Variants in ACAD10 observed in about 807,000 individuals in gnomAD.
ACAD10 encodes the protein acyl-CoA dehydrogenase family member 10, also known as ACAD-10.
Under a neutral mutation model 116.8 loss-of-function variants are expected in ACAD10, and 112 were observed. The observed-to-expected ratio is 0.96, with a 90% CI of 0.82 to 1.12. The LOEUF (loss-of-function observed/expected upper bound fraction) is 1.12, where lower values mean the gene tolerates loss of function less well. Ranked by LOEUF, ACAD10 falls within the 50% of genes most tolerant of loss-of-function variation. The probability of loss-of-function intolerance (pLI) is 0.00; values close to 1 mark genes in which losing one functional copy is unlikely to be tolerated. For missense variants in ACAD10, 1,259 were observed against 1,350.2 expected (o/e 0.93, Z 1.06); for synonymous variants, 486 against 510.6 (o/e 0.95, Z 0.65).
At chr12:111,748,583 G>C in intron 17 of ACAD10, 108 bp downstream of exon 17, 1 of 1,244,510 alleles carries the variant, frequency 8.0e-7, no homozygotes, top group Non-Finnish European at 1.1e-6. Flanking sequence ...CACGTCTGAG[G>C]GTATGATGAC....
In ACAD10 at chr12:111,728,133, T is replaced by G; in HGVS notation, c.1233T>G (p.Tyr411Ter). ...VDLQAVGLED[Y>*]GKQGDYIPRQ... The stretch of plus-strand genomic sequence containing the variant: ...TGCAGGCTGTGGGACTTGAAGACTA[T>G]GGGAAGCAAGGTGAGCAGGAGGCCA... Residue 411 changes from tyrosine to a stop codon, truncating the protein, a stop_gained, in exon 9 of 21, where the codon TAT (tyrosine) becomes TAG (stop). Coordinates refer to ENST00000313698, the MANE Select transcript of ACAD10 (RefSeq NM_025247.6). LOFTEE classifies it high-confidence loss of function. 6.2e-7 allele frequency: 1 copy of G among 1,604,976 alleles called. No individual in the cohort carries two copies. Among genetic ancestry groups the G allele is most frequent in the Non-Finnish European group, 8.5e-7 (1 of 1,175,318 alleles).
intron 5 of ACAD10, among the ~76,000 whole-genome samples, chr12:111,710,850 C>T (rs1888658676): frequency 6.6e-6 from 1 of 152,066 alleles, no homozygotes; most frequent in Non-Finnish European, 1.5e-5. Flanking sequence ...CTCCAGCAGT[C>T]CTCCCACCTC....
intron 12 of ACAD10, among the ~76,000 whole-genome samples, chr12:111,740,277 CATGGTGAAA>C (rs1889694424): frequency 1.3e-5 from 2 of 152,162 alleles, no homozygotes; most frequent in East Asian, 3.9e-4. Flanking sequence ...CCCTGGCCAA[CATGGTGAAA>C]CCCCGTCTCC....
At chr12:111,688,921 G>A (rs935745179) in intron 1 of ACAD10, among the ~76,000 whole-genome samples, 1 of 152,148 alleles carries the variant, frequency 6.6e-6, no homozygotes, top group Non-Finnish European at 1.5e-5. Context: ...GGCTGGGCAC[G>A]ATGGCTCACG....
chr12:111,728,085 GTGCAAAATTC>G lies in ACAD10; in HGVS notation c.1186_1195del (p.Cys396ThrfsTer45). Reference sequence around the variant, plus strand: ...TATACACTGCCATGAACACAGTCCTGTGCAAAATTCACAGTGTGGATCTGCAGGCTGTGGG... The same window carrying G: ...TATACACTGCCATGAACACAGTCCTGACAGTGTGGATCTGCAGGCTGTGGG... On this transcript the variant is annotated frameshift_variant, in exon 9 of 21. Transcript: ENST00000313698. LOFTEE classifies it high-confidence loss of function. 11 of 1,613,766 alleles carry G rather than the reference GTGCAAAATTC, an allele frequency of 6.8e-6. No individual in the cohort carries two copies. Among genetic ancestry groups the G allele is most frequent in the Non-Finnish European group, 9.3e-6 (11 of 1,179,898 alleles).
At position 111,705,755 on chromosome 12, in the gene ACAD10, T is replaced by C. The variant is rs1888483036; in HGVS notation, c.354T>C (p.Pro118=). ...GTTCTTAGTTAAAGACCTCCGTGCC[T>C]GTGGACTCATTTTTCTCTCTGTTGA... ...LCSEMLKTSV[P]VDSFFSLLTS... The change falls in exon 4 of 21, where the codon CCT becomes CCC. Residue 118 remains proline (P), a synonymous_variant. Coordinates refer to ENST00000313698, the MANE Select transcript of ACAD10 (RefSeq NM_025247.6). The C allele has an allele frequency of 1.2e-6, 2 of 1,614,190 alleles. No homozygotes were observed. Among genetic ancestry groups the C allele is most frequent in the South Asian group, 1.1e-5 (1 of 91,086 alleles).
intron 18 of ACAD10, among the ~76,000 whole-genome samples, chr12:111,751,516 A>G (rs1435664292): frequency 2.0e-5 from 3 of 152,132 alleles, no homozygotes; most frequent in Non-Finnish European, 4.4e-5. Flanking sequence ...GGATCACTTC[A>G]GGTTAGGAGT....
intron 12 of ACAD10, among the ~76,000 whole-genome samples, chr12:111,742,742 T>C (rs183127419): frequency 1.1e-4 from 16 of 152,256 alleles, no homozygotes; most frequent in Admixed American, 2.0e-4. Context: ...GGAATTTTGC[T>C]CTTGTCACCC....
At chr12:111,730,607 A>G (rs79061554) in intron 10 of ACAD10, among the ~76,000 whole-genome samples, 2,354 of 151,766 alleles carry the variant, frequency 0.016, 71 homozygotes, top group African/African-American at 0.053. Context: ...GGTAGTGTTT[A>G]TAGTGTTTTC....
At chr12:111,713,572 C>G (rs2135959278) in intron 6 of ACAD10, among the ~76,000 whole-genome samples, 1 of 151,104 alleles carries the variant, frequency 6.6e-6, no homozygotes, top group South Asian at 2.1e-4. Flanking sequence ...TTGCAGTGAG[C>G]CAAGATTGTG....
chr12:111,737,086 G>A, intron 12 of ACAD10, 82 bp downstream of exon 12: 2 of 1,443,772 alleles, frequency 1.4e-6, no homozygotes, highest in Non-Finnish European at 9.5e-7. Context: ...CCCTCTCAGG[G>A]CCACAGAGGC....
At chr12:111,704,688 C>CTTTTTTTTTTTTTTTTT (rs59745029) in intron 3 of ACAD10, among the ~76,000 whole-genome samples, 2 of 126,152 alleles carry the variant, frequency 1.6e-5, no homozygotes, top group Non-Finnish European at 3.3e-5. Context: ...TTCTTTCTTT[C>CTTTTTTTTTTTTTTTTT]TTTTTTTTTT....
At position 111,748,303 on chromosome 12, in the gene ACAD10, T is replaced by G; in HGVS notation, c.2486-14T>G. On this transcript the variant is annotated splice_polypyrimidine_tract_variant and intron_variant, in intron 16 of 20. Coordinates refer to ENST00000313698, the MANE Select transcript of ACAD10 (RefSeq NM_025247.6). Reference sequence around the variant, plus strand: ...TGTCAGATGATGGGGTCTGTCTCTCTCCTTTCCTGGCAGGCATCCTGGATC... The same window carrying G: ...TGTCAGATGATGGGGTCTGTCTCTCGCCTTTCCTGGCAGGCATCCTGGATC... 2 of 1,614,018 alleles carry G rather than the reference T, an allele frequency of 1.2e-6. No homozygotes were observed. Among genetic ancestry groups the G allele is most frequent in the Non-Finnish European group, 1.7e-6 (2 of 1,179,984 alleles).
chr12:111,751,504 G>A (rs1234849259), intron 18 of ACAD10, among the ~76,000 whole-genome samples: 1 of 152,158 alleles, frequency 6.6e-6, no homozygotes, highest in Non-Finnish European at 1.5e-5. Flanking sequence ...GCTGAGGTGG[G>A]CGGATCACTT....
chr12:111,753,831 C>T lies in ACAD10; in HGVS notation c.2877C>T (p.Asp959=). Reference sequence around the variant, plus strand: ...TGGAGCAGGGCACAGTGCTGGCGGACATCGCGCAGTCGCGCGTGGAGATTG... The same window carrying T: ...TGGAGCAGGGCACAGTGCTGGCGGATATCGCGCAGTCGCGCGTGGAGATTG... The part of the protein sequence containing the change: ...PLVEQGTVLA[D]IAQSRVEIEQ... The change falls in exon 19 of 21, where the codon GAC becomes GAT. Residue 959 remains aspartate, a synonymous_variant. Coordinates refer to ENST00000313698, the MANE Select transcript of ACAD10 (RefSeq NM_025247.6). 3 of 1,614,056 alleles carry T rather than the reference C, an allele frequency of 1.9e-6. No homozygotes were observed. The highest frequency in any genetic ancestry group is 2.5e-6 in the Non-Finnish European group (3 of 1,180,052).
intron 12 of ACAD10, among the ~76,000 whole-genome samples, chr12:111,740,782 CAA>C (rs751899672): frequency 0.03 from 1,529 of 50,960 alleles, 17 homozygotes; most frequent in African/African-American, 0.091. Context: ...GACTCCATCT[CAA>C]AAAAAAAAAA....
intron 17 of ACAD10, 52 bp downstream of exon 17, chr12:111,748,527 AAC>A: frequency 6.2e-7 from 1 of 1,602,858 alleles, no homozygotes; most frequent in South Asian, 1.1e-5. Context: ...GTCCCCAGGA[AAC>A]ACCACTGAGG....
chr12:111,687,148 A>G (rs1887889676), intron 1 of ACAD10, among the ~76,000 whole-genome samples: 2 of 152,326 alleles, frequency 1.3e-5, no homozygotes, highest in Admixed American at 6.5e-5. Flanking sequence ...AATGATACAT[A>G]TGTAAGTACA....
intron 1 of ACAD10, among the ~76,000 whole-genome samples, chr12:111,690,068 C>T (rs908119217): frequency 1.3e-5 from 2 of 152,142 alleles, no homozygotes; most frequent in Admixed American, 1.3e-4. Flanking sequence ...GTGGAACTCA[C>T]AAATACAGAG....
Sources: allele counts gnomAD v4.1 joint callset (sites outside exome capture counted in the v4.1 genomes callset), GRCh38; gene constraint gnomAD v4.1.1; transcripts MANE v1.5; gene names NCBI Gene and HGNC (gene_info 2026-07-23, HGNC 2026-07-21).